Variants in SESN3 observed in about 807,000 individuals in gnomAD.
SESN3 encodes sestrin-3.
A neutral mutation model predicts 55.3 loss-of-function variants in SESN3; 21 were observed. That is an observed-to-expected ratio of 0.38 (90% CI 0.27 to 0.55). The LOEUF is 0.55. Among genes scored for constraint, SESN3 ranks in the 20% least tolerant of loss-of-function variants. The pLI is 0.76. For missense variants in SESN3, 408 were observed against 604.3 expected, an observed-to-expected ratio of 0.68 and a Z score of 3.41; for synonymous variants, 181 against 203.1, an observed-to-expected ratio of 0.89 and a Z score of 0.93.
intron 8 of SESN3, among the ~76,000 whole-genome samples, chr11:95,177,479 T>C (rs986148374): frequency 6.6e-6 from 1 of 152,182 alleles, no homozygotes; most frequent in African/African-American, 2.4e-5. Context: ...TCCCCAATCA[T>C]TACTGATGCT....
At chr11:95,174,025 A>G (rs1295796906) in intron 9 of SESN3, among the ~76,000 whole-genome samples, 1 of 152,196 alleles carries the variant, frequency 6.6e-6, no homozygotes, top group East Asian at 1.9e-4. Flanking sequence ...GAGTAAAGAG[A>G]ATTTCTAGAT....
intron 1 of SESN3, among the ~76,000 whole-genome samples, chr11:95,220,786 T>C (rs901702403): frequency 6.6e-6 from 1 of 152,328 alleles, no homozygotes; most frequent in East Asian, 1.9e-4. Context: ...TTCAACCTGG[T>C]TGCAAATCCT....
At chr11:95,175,819 T>C (rs956184444) in intron 8 of SESN3, among the ~76,000 whole-genome samples, 177 bp from the exon 9 acceptor site, 10 of 152,234 alleles carry the variant, frequency 6.6e-5, no homozygotes, top group Admixed American at 3.9e-4. Flanking sequence ...AGTAGTGATA[T>C]ACTAGTGAAC....
In SESN3 at chr11:95,189,966, A is replaced by C; in HGVS notation, c.343-5T>G. ...ACACTGATGTCTAGCTGCAGCCTAA[A>C]GCACAAAGAAAAAAATTCATTGATA... On this transcript the variant is annotated splice_region_variant and splice_polypyrimidine_tract_variant and intron_variant, in intron 3 of 9. Coordinates refer to ENST00000536441, the MANE Select transcript of SESN3 (RefSeq NM_144665.4). 1 of 1,577,098 alleles carries C rather than the reference A, an allele frequency of 6.3e-7. No individual in the cohort carries two copies.
intron 7 of SESN3, 110 bp downstream of exon 7, chr11:95,178,600 G>A: frequency 1.4e-6 from 1 of 705,520 alleles, no homozygotes; most frequent in Non-Finnish European, 2.5e-6. Flanking sequence ...TAAATACAAA[G>A]ATTTATAGAT....
chr11:95,189,932 T>C lies in SESN3; in HGVS notation c.372A>G (p.Leu124=). The part of the protein sequence containing the change: ...MAAARHQCSY[L]INMHVDEFLK... ...AAAATTCATCCACATGCATGTTTAT[T>C]AAGTAAGAACACTGATGTCTAGCTG... Residue 124 remains leucine (L), a synonymous_variant, in exon 4 of 10, where the codon TTA becomes TTG. Transcript: ENST00000536441. 6.2e-7 allele frequency: 1 copy of C among 1,610,202 alleles called. No homozygotes were observed. Among genetic ancestry groups the C allele is most frequent in the Admixed American group, 1.7e-5 (1 of 59,562 alleles).
intron 9 of SESN3, among the ~76,000 whole-genome samples, chr11:95,173,921 G>A (rs1018918519): frequency 2.0e-5 from 3 of 151,906 alleles, no homozygotes; most frequent in African/African-American, 7.2e-5. Context: ...GTATCCACAA[G>A]TTTTCAAAAT....
intron 4 of SESN3, among the ~76,000 whole-genome samples, chr11:95,188,506 C>T (rs111576865): frequency 2.4e-4 from 36 of 151,848 alleles, no homozygotes; most frequent in South Asian, 1.2e-3. Flanking sequence ...CTGGGTCATA[C>T]AATATGATCT....
chr11:95,210,959 A>G (rs1860643564), intron 1 of SESN3, among the ~76,000 whole-genome samples: 1 of 152,178 alleles, frequency 6.6e-6, no homozygotes, highest in Non-Finnish European at 1.5e-5. Flanking sequence ...AAAAGCAGCT[A>G]GTTTACAATT....
chr11:95,225,572 A>G (rs961050121), intron 1 of SESN3, among the ~76,000 whole-genome samples: 2 of 152,224 alleles, frequency 1.3e-5, no homozygotes, highest in African/African-American at 4.8e-5. Context: ...CAAAGGCAGT[A>G]TTAAGAATTA....
intron 1 of SESN3, among the ~76,000 whole-genome samples, chr11:95,197,445 CTTTT>C (rs5793719): frequency 1.5e-5 from 2 of 136,350 alleles, no homozygotes; most frequent in Non-Finnish European, 3.2e-5. Flanking sequence ...CTTTTCTTTT[CTTTT>C]TTTTTTTTTT....
chr11:95,217,105 C>CA (rs61672704), intron 1 of SESN3, among the ~76,000 whole-genome samples: 3,867 of 106,472 alleles, frequency 0.036, 60 homozygotes, highest in African/African-American at 0.071. Context: ...GACTCTGTCT[C>CA]AAAAAAAAAA....
intron 4 of SESN3, among the ~76,000 whole-genome samples, chr11:95,189,350 G>A (rs1227200087): frequency 6.6e-6 from 1 of 151,834 alleles, no homozygotes; most frequent in African/African-American, 2.4e-5. Flanking sequence ...ATCATTTTTT[G>A]AGAATCTAAA....
At chr11:95,217,711 A>T (rs1327931095) in intron 1 of SESN3, among the ~76,000 whole-genome samples, 1 of 151,988 alleles carries the variant, frequency 6.6e-6, no homozygotes, top group African/African-American at 2.4e-5. Flanking sequence ...ATTCTGACTG[A>T]ATAGGGCTTG....
upstream of SESN3, chr11:95,231,466 C>G (rs763335956): frequency 8.0e-6 from 2 of 251,492 alleles, no homozygotes; most frequent in African/African-American, 4.5e-5. Context: ...ACAGTTTGCT[C>G]TCCTCTGCCA....
At chr11:95,173,362 A>G in intron 9 of SESN3, 21 bp from the exon 10 acceptor site, 1 of 1,514,468 alleles carries the variant, frequency 6.6e-7, no homozygotes, top group Non-Finnish European at 9.1e-7. Context: ...AAATGTTATC[A>G]GTTTAGTAAC....
At chr11:95,193,243 C>G (rs775885722) in intron 2 of SESN3, among the ~76,000 whole-genome samples, 4 of 152,080 alleles carry the variant, frequency 2.6e-5, no homozygotes, top group Non-Finnish European at 5.9e-5. Context: ...AGGTATTATT[C>G]TATTTCTACT....
chr11:95,192,652 G>C (rs750117327), intron 2 of SESN3, among the ~76,000 whole-genome samples: 5 of 152,038 alleles, frequency 3.3e-5, no homozygotes, highest in Non-Finnish European at 7.4e-5. Flanking sequence ...TTATACAAAG[G>C]CACTACTAAC....
Position 95,184,580 on chromosome 11 carries a change from TAGAGA to T in SESN3, c.772_776del (p.Ser258LysfsTer2). 6.2e-7 allele frequency: 1 copy of T among 1,612,526 alleles called. No individual in the cohort carries two copies. Among genetic ancestry groups the T allele is most frequent in the Non-Finnish European group, 8.5e-7 (1 of 1,179,410 alleles). On this transcript the variant is annotated frameshift_variant, in exon 6 of 10. Coordinates refer to ENST00000536441, the MANE Select transcript of SESN3 (RefSeq NM_144665.4). LOFTEE classifies it high-confidence loss of function. ...TTTCCATTAAGGCCTCTAGCTCACT[TAGAGA>T]ATCCACAATCTGGAAACAGATAAGA...
Sources: allele counts gnomAD v4.1 joint callset (sites outside exome capture counted in the v4.1 genomes callset), GRCh38; gene constraint gnomAD v4.1.1; transcripts MANE v1.5; gene names NCBI Gene and HGNC (gene_info 2026-07-23, HGNC 2026-07-21).